Variants in ARPC5L observed in about 807,000 individuals in gnomAD.
ARPC5L encodes actin-related protein 2/3 complex subunit 5-like protein.
ARPC5L carries 4 observed loss-of-function variants against 16.9 expected under a neutral mutation model. The observed-to-expected ratio is 0.24, with a 90% CI of 0.12 to 0.54. The LOEUF (loss-of-function observed/expected upper bound fraction) is 0.54. ARPC5L is among the 20% of genes least tolerant of loss of function. The pLI is 0.95. For synonymous variants in ARPC5L, 78 were observed against 82.6 expected, an observed-to-expected ratio of 0.94 and a Z score of 0.30; for missense variants, 151 against 201.9, an observed-to-expected ratio of 0.75 and a Z score of 1.53.
intron 3 of ARPC5L, among the ~76,000 whole-genome samples, chr9:124,869,658 G>T (rs1829327131): frequency 6.6e-6 from 1 of 152,218 alleles, no homozygotes; most frequent in Non-Finnish European, 1.5e-5. Context: ...GCCTTCTTCT[G>T]CAGCGCCGTC....
At chr9:124,864,773 C>T (rs1053275967) in intron 2 of ARPC5L, among the ~76,000 whole-genome samples, 1 of 150,972 alleles carries the variant, frequency 6.6e-6, no homozygotes, top group Non-Finnish European at 1.5e-5. Context: ...CAAAGTGCTG[C>T]GATTACAGGC....
Position 124,862,387 on chromosome 9 carries a change from C to T in ARPC5L, c.-995C>T, listed in dbSNP as rs1470896989. On this transcript the variant is annotated 5_prime_UTR_variant, in exon 1 of 6. Coordinates refer to ENST00000353214, the MANE Select transcript of ARPC5L (RefSeq NM_030978.3). ...TTTTCAAAGACGATTAACCGAGGCT[C>T]ACGTCGCGGAGGAATTTAAAGCGCG... 1 of 160,370 alleles carries T rather than the reference C, an allele frequency of 6.2e-6. No individual in the cohort carries two copies. The highest frequency in any genetic ancestry group is 1.4e-5 in the Non-Finnish European group (1 of 73,706). The allele number at this position is 160,370 out of a possible 1,614,324, so 9.9% of individuals were successfully genotyped here.
intron 5 of ARPC5L, 77 bp downstream of exon 5, chr9:124,875,228 G>C: frequency 1.3e-6 from 2 of 1,522,542 alleles, no homozygotes; most frequent in Non-Finnish European, 1.8e-6. Context: ...AGATTTTCCA[G>C]AACAAACGTA....
chr9:124,869,129 G>A lies in ARPC5L; in HGVS notation c.-162G>A. ...GGCGCTTCCGGATCCGGCGGGTGCC[G>A]GAAGTGGGCGGGCGGCGGCGGCTGC... On this transcript the variant is annotated 5_prime_UTR_variant, in exon 3 of 6. Transcript: ENST00000353214. 4 of 860,476 alleles carry A rather than the reference G, an allele frequency of 4.6e-6. No individual in the cohort carries two copies. Among genetic ancestry groups the A allele is most frequent in the South Asian group, 4.3e-5 (1 of 23,522 alleles). The allele number at this position is 860,476 out of a possible 1,614,324, so 53.3% of individuals were successfully genotyped here.
chr9:124,873,286 C>T (rs781602278), intron 3 of ARPC5L: 52 of 202,308 alleles, frequency 2.6e-4, no homozygotes, highest in Non-Finnish European at 4.8e-4. Context: ...AGGAGGTCTC[C>T]CTTTGTACCT....
At chr9:124,874,762 C>T (rs928560281) in intron 4 of ARPC5L, among the ~76,000 whole-genome samples, 8 of 151,824 alleles carry the variant, frequency 5.3e-5, no homozygotes, top group Non-Finnish European at 1.0e-4. Flanking sequence ...CTACTTACTC[C>T]CCCAAAATAA....
chr9:124,873,793 G>C (rs763994626), intron 4 of ARPC5L, 29 bp downstream of exon 4: 2 of 1,613,410 alleles, frequency 1.2e-6, no homozygotes, highest in Non-Finnish European at 1.7e-6. Context: ...GGCTCTGCTG[G>C]GTGCTGTTGG....
Position 124,873,672 on chromosome 9 carries a change from C to T in ARPC5L, c.150-20C>T, listed in dbSNP as rs1256903162. 1.9e-6 allele frequency: 3 copies of T among 1,613,998 alleles called. No homozygotes were observed. Among genetic ancestry groups the T allele is most frequent in the Non-Finnish European group, 2.5e-6 (3 of 1,179,974 alleles). On this transcript the variant is annotated intron_variant, in intron 3 of 5. Coordinates refer to ENST00000353214, the MANE Select transcript of ARPC5L (RefSeq NM_030978.3). ...ATGGATGTGCTTGAGCCTAGCTATC[C>T]TTAACTGGTGGTGATGCACAGGGGA... is the stretch of plus-strand genomic sequence containing the variant.
chr9:124,873,813 T>C (rs1234739393), intron 4 of ARPC5L, 49 bp downstream of exon 4: 1 of 1,596,394 alleles, frequency 6.3e-7, no homozygotes. Context: ...GGACCAGGGC[T>C]GTGGGTGTCT....
Position 124,877,188 on chromosome 9 carries a change from A to G in ARPC5L, c.*248A>G. 4.4e-6 allele frequency: 2 copies of G among 459,474 alleles called. No homozygotes were observed. The highest frequency in any genetic ancestry group is 5.0e-5 in the South Asian group (2 of 39,994). 28.5% of individuals were successfully genotyped at this position (459,474 alleles called of 1,614,324 possible). On this transcript the variant is annotated 3_prime_UTR_variant, in exon 6 of 6. Coordinates refer to ENST00000353214, the MANE Select transcript of ARPC5L (RefSeq NM_030978.3). ...AGAACTGACATTTTGACGGTCTACC[A>G]GCGTGGCGGCTGGTGTTGGTCAGAT...
intron 1 of ARPC5L, among the ~76,000 whole-genome samples, chr9:124,863,533 C>T (rs562176567): frequency 2.3e-4 from 35 of 152,334 alleles, no homozygotes; most frequent in African/African-American, 8.2e-4. Context: ...TGGGAAATCT[C>T]TTCCCCTTTC....
At position 124,877,086 on chromosome 9, in the gene ARPC5L, A is replaced by G. The variant is rs76589782; in HGVS notation, c.*146A>G. The G allele has an allele frequency of 1.5e-6, 1 of 668,420 alleles. No individual in the cohort carries two copies. Among genetic ancestry groups the G allele is most frequent in the Non-Finnish European group, 2.5e-6 (1 of 402,380 alleles). 41.4% of individuals were successfully genotyped at this position (668,420 alleles called of 1,614,324 possible). On this transcript the variant is annotated 3_prime_UTR_variant, in exon 6 of 6. Transcript: ENST00000353214. The stretch of plus-strand genomic sequence containing the variant: ...TCTGCTGAAATGTATTTTATTTTCA[A>G]GGTGGAGGGGAAAATCGTCTGTTTC...
intron 3 of ARPC5L, among the ~76,000 whole-genome samples, chr9:124,869,867 G>A (rs920154922): frequency 1.3e-5 from 2 of 152,238 alleles, no homozygotes; most frequent in East Asian, 3.8e-4. Context: ...CTGAGTAACC[G>A]AGTGATCGGG....
intron 2 of ARPC5L, 135 bp downstream of exon 2, chr9:124,864,242 G>C (rs1003146295): frequency 2.7e-5 from 4 of 150,300 alleles, no homozygotes; most frequent in Non-Finnish European, 5.9e-5. Context: ...CTGGAGTGCA[G>C]TGGCACAATT....
intron 2 of ARPC5L, among the ~76,000 whole-genome samples, chr9:124,865,480 C>T (rs1039220605): frequency 6.6e-6 from 1 of 152,072 alleles, no homozygotes; most frequent in East Asian, 1.9e-4. Context: ...ATTCCAGGTA[C>T]TCTACCTTCA....
At chr9:124,865,793 AAAAAAAC>A (rs1829262521) in intron 2 of ARPC5L, among the ~76,000 whole-genome samples, 1 of 151,614 alleles carries the variant, frequency 6.6e-6, no homozygotes, top group Admixed American at 6.6e-5. Flanking sequence ...ACTCCATCTC[AAAAAAAC>A]AAAAAACAAA....
At chr9:124,875,589 T>C (rs931466271) in intron 5 of ARPC5L, among the ~76,000 whole-genome samples, 1 of 152,194 alleles carries the variant, frequency 6.6e-6, no homozygotes, top group Non-Finnish European at 1.5e-5. Flanking sequence ...GCCTCAGCCT[T>C]AGCAGGCCAG....
At chr9:124,865,607 T>C (rs1261713161) in intron 2 of ARPC5L, among the ~76,000 whole-genome samples, 2 of 150,894 alleles carry the variant, frequency 1.3e-5, no homozygotes, top group South Asian at 2.1e-4. Context: ...CTGGCCAACA[T>C]GGTGAAACCG....
intron 5 of ARPC5L, 82 bp from the exon 6 acceptor site, chr9:124,876,796 T>C: frequency 9.2e-7 from 1 of 1,092,232 alleles, no homozygotes; most frequent in Non-Finnish European, 1.4e-6. Context: ...GGTCAGGGAA[T>C]GTCCCCCCTG....
Sources: allele counts gnomAD v4.1 joint callset (sites outside exome capture counted in the v4.1 genomes callset), GRCh38; gene constraint gnomAD v4.1.1; transcripts MANE v1.5; gene names NCBI Gene and HGNC (gene_info 2026-07-23, HGNC 2026-07-21).